CSMD3: variants seen among roughly 807,000 people sequenced by gnomAD.
CSMD3 encodes the protein CUB and Sushi multiple domains 3, also known as CUB and sushi domain-containing protein 3.
In CSMD3, 177 loss-of-function variants were observed where a neutral mutation model predicts 435.2. The observed-to-expected ratio is 0.41, with a 90% CI of 0.36 to 0.46. The LOEUF (loss-of-function observed/expected upper bound fraction) is 0.46. Ranked by LOEUF, CSMD3 falls within the 20% of genes least tolerant of loss-of-function variation. CSMD3 has a pLI of 0.34. For synonymous variants in CSMD3, 1,656 were observed against 1,520.5 expected (o/e 1.09, Z -2.07); for missense variants, 4,265 against 4,504.6 (o/e 0.95, Z 1.52).
chr8:113,350,145 C>A (rs1426123098), intron 1 of CSMD3, among the ~76,000 whole-genome samples: 1 of 151,906 alleles, frequency 6.6e-6, no homozygotes, highest in Non-Finnish European at 1.5e-5. Context: ...AAGCAGAGGT[C>A]ATAGATAAAG....
chr8:113,246,680 A>T (rs1375844103), intron 3 of CSMD3, among the ~76,000 whole-genome samples: 1 of 152,084 alleles, frequency 6.6e-6, no homozygotes, highest in African/African-American at 2.4e-5. Flanking sequence ...TATTTTACAA[A>T]TGTAGCATGT....
chr8:113,360,578 T>C (rs1347387467), intron 1 of CSMD3, among the ~76,000 whole-genome samples: 1 of 136,096 alleles, frequency 7.3e-6, no homozygotes, highest in Non-Finnish European at 1.5e-5. Flanking sequence ...GTCTTTTTTT[T>C]TTTTTTTTTT....
chr8:113,088,249 T>C (rs1003924997), intron 5 of CSMD3, among the ~76,000 whole-genome samples: 10 of 150,958 alleles, frequency 6.6e-5, no homozygotes, highest in African/African-American at 2.4e-4. Flanking sequence ...GGAACACTTT[T>C]ACACTGTTGG....
intron 1 of CSMD3, among the ~76,000 whole-genome samples, chr8:113,401,908 A>T (rs2094511844): frequency 6.6e-6 from 1 of 151,610 alleles, no homozygotes; most frequent in African/African-American, 2.4e-5. Flanking sequence ...GCTACACCAC[A>T]CAGTATAGAT....
chr8:112,563,966 T>TA (rs1183344366), intron 24 of CSMD3, among the ~76,000 whole-genome samples: 1 of 151,992 alleles, frequency 6.6e-6, no homozygotes, highest in East Asian at 1.9e-4. Context: ...ACTTTTAAAC[T>TA]AAAAAAGAAT....
At chr8:112,986,704 A>G (rs554579910) in intron 6 of CSMD3, among the ~76,000 whole-genome samples, 2 of 152,250 alleles carry the variant, frequency 1.3e-5, no homozygotes, top group African/African-American at 4.8e-5. Context: ...GATTCAATCC[A>G]TAGAAAATTG....
intron 10 of CSMD3, among the ~76,000 whole-genome samples, chr8:112,862,336 AT>A (rs2080849989): frequency 6.6e-6 from 1 of 151,914 alleles, no homozygotes; most frequent in South Asian, 2.1e-4. Flanking sequence ...TAGTCTGAAG[AT>A]TTTTTTGCAT....
chr8:113,265,856 C>T (rs1210068616), intron 3 of CSMD3, among the ~76,000 whole-genome samples: 1 of 151,432 alleles, frequency 6.6e-6, no homozygotes, highest in East Asian at 1.9e-4. Flanking sequence ...ACAAAAGATT[C>T]GAATTTGACC....
chr8:112,453,938 GA>G (rs1816558428), intron 32 of CSMD3, among the ~76,000 whole-genome samples: 1 of 152,060 alleles, frequency 6.6e-6, no homozygotes, highest in Admixed American at 6.6e-5. Context: ...GAGCAGAATA[GA>G]AAACCCAGAA....
chr8:112,631,817 A>T (rs977840124), intron 22 of CSMD3, among the ~76,000 whole-genome samples: 9 of 152,104 alleles, frequency 5.9e-5, no homozygotes, highest in East Asian at 1.9e-4. Context: ...AATTGGGTTA[A>T]ATAGAACTCA....
chr8:112,956,365 TAA>T (rs2084019588), intron 7 of CSMD3, among the ~76,000 whole-genome samples: 1 of 152,134 alleles, frequency 6.6e-6, no homozygotes, highest in Non-Finnish European at 1.5e-5. Flanking sequence ...TCAACTGCTC[TAA>T]GTTTAGTTTT....
At chr8:112,966,006 C>T (rs1204122793) in intron 7 of CSMD3, among the ~76,000 whole-genome samples, 1 of 151,506 alleles carries the variant, frequency 6.6e-6, no homozygotes, top group Non-Finnish European at 1.5e-5. Context: ...CATTAAATAA[C>T]ATAATTAGGG....
chr8:112,362,792 T>A (rs2131128806), intron 38 of CSMD3, among the ~76,000 whole-genome samples: 1 of 152,094 alleles, frequency 6.6e-6, no homozygotes, highest in Admixed American at 6.5e-5. Context: ...ACTGAAAAAT[T>A]ATATATTTTA....
chr8:113,064,283 A>T (rs1260677482), intron 5 of CSMD3, among the ~76,000 whole-genome samples: 1 of 151,952 alleles, frequency 6.6e-6, no homozygotes, highest in Non-Finnish European at 1.5e-5. Flanking sequence ...CACAGATTAA[A>T]TTAAAACTGT....
At chr8:112,276,994 G>A (rs1047707819) in intron 59 of CSMD3, among the ~76,000 whole-genome samples, 2 of 151,968 alleles carry the variant, frequency 1.3e-5, no homozygotes, top group African/African-American at 4.8e-5. Flanking sequence ...TAGACCTCCA[G>A]GCCTGTGATG....
Position 112,255,289 on chromosome 8 carries a change from T to C in CSMD3, c.10001A>G (p.Asp3334Gly). Residue 3334 changes from aspartate (D) to glycine (G), a missense_variant, in exon 62 of 71, where the codon GAT (aspartate) becomes GGT (glycine). Coordinates refer to ENST00000297405, the MANE Select transcript of CSMD3 (RefSeq NM_198123.2). ...AGGTGATGAACCACTCCAAGTGCCATCTGCTTGACATATTCTGGTGCTTGA... is the reference window on the plus strand; with the variant it reads ...AGGTGATGAACCACTCCAAGTGCCACCTGCTTGACATATTCTGGTGCTTGA... ...VGSSTRICQADGTWSGSSPHC... is the reference protein window; with the variant it reads ...VGSSTRICQAGGTWSGSSPHC... The C allele has an allele frequency of 7.4e-6, 12 of 1,613,672 alleles. No homozygotes were observed. The highest frequency in any genetic ancestry group is 1.0e-5 in the Non-Finnish European group (12 of 1,179,738).
intron 3 of CSMD3, among the ~76,000 whole-genome samples, chr8:113,268,308 A>T (rs2093489213): frequency 6.6e-6 from 1 of 151,868 alleles, no homozygotes; most frequent in South Asian, 2.1e-4. Context: ...CGACTATTAA[A>T]CTTAGTATAA....
chr8:112,640,092 T>G (rs1195142583), intron 20 of CSMD3, among the ~76,000 whole-genome samples: 1 of 152,144 alleles, frequency 6.6e-6, no homozygotes, highest in Non-Finnish European at 1.5e-5. Context: ...GCTTTTTAAT[T>G]TGTTCCATTC....
intron 5 of CSMD3, among the ~76,000 whole-genome samples, chr8:113,048,083 CTTT>C (rs35254619): frequency 8.3e-4 from 89 of 106,922 alleles, no homozygotes; most frequent in East Asian, 3.3e-3. Flanking sequence ...AACTTCAATT[CTTT>C]TTTTTTTTTT....
Sources: gnomAD v4.1 joint callset for allele counts (sites outside exome capture counted in the v4.1 genomes callset) on GRCh38, gnomAD v4.1.1 for gene constraint, MANE v1.5 for transcripts, NCBI Gene and HGNC (gene_info 2026-07-23, HGNC 2026-07-21) for gene names.